Variants in VPS35L observed in about 807,000 individuals in gnomAD.
VPS35L encodes the protein VPS35 endosomal protein sorting factor like.
VPS35L carries 83 observed loss-of-function variants against 133.0 expected under a neutral mutation model. The ratio of observed to expected loss-of-function variants is 0.62; its 90% CI spans 0.52 to 0.75. The LOEUF is 0.75. Ranked by LOEUF, VPS35L falls within the 30% of genes least tolerant of loss-of-function variation. VPS35L has a pLI of 0.00. For synonymous variants in VPS35L, 423 were observed against 449.9 expected (o/e 0.94, Z 0.76); for missense variants, 1,083 against 1,206.8 (o/e 0.90, Z 1.52).
chr16:19,673,231 G>A (rs1974936618), intron 27 of VPS35L, among the ~76,000 whole-genome samples: 1 of 152,358 alleles, frequency 6.6e-6, no homozygotes, highest in African/African-American at 2.4e-5. Context: ...GTAGACACTT[G>A]CTGGCTATGT....
chr16:19,597,882 C>G (rs1972266613), intron 8 of VPS35L, among the ~76,000 whole-genome samples: 1 of 152,152 alleles, frequency 6.6e-6, no homozygotes, highest in Non-Finnish European at 1.5e-5. Flanking sequence ...TTACTCTGCT[C>G]TAAAAGAAGA....
chr16:19,567,888 T>C (rs1312239872), intron 2 of VPS35L, among the ~76,000 whole-genome samples: 6 of 151,826 alleles, frequency 4.0e-5, no homozygotes, highest in African/African-American at 7.3e-5. Flanking sequence ...GAAGATTGCT[T>C]GTGCCCAGGA....
chr16:19,677,518 A>G (rs1975104990), intron 27 of VPS35L, among the ~76,000 whole-genome samples: 1 of 152,238 alleles, frequency 6.6e-6, no homozygotes, highest in African/African-American at 2.4e-5. Context: ...GTAGTCAGCT[A>G]GGCACAGATG....
chr16:19,657,611 A>G (rs1343933953), intron 26 of VPS35L, among the ~76,000 whole-genome samples: 1 of 152,194 alleles, frequency 6.6e-6, no homozygotes, highest in African/African-American at 2.4e-5. Context: ...TTACTCAAAA[A>G]GTTTGAGATT....
At chr16:19,692,358 C>T (rs1052514352) in intron 29 of VPS35L, among the ~76,000 whole-genome samples, 3 of 152,142 alleles carry the variant, frequency 2.0e-5, no homozygotes, top group African/African-American at 7.2e-5. Context: ...CTTTCAGTGC[C>T]CACAACAGCC....
In VPS35L at chr16:19,583,184, C is replaced by T. The variant is rs779591284; in HGVS notation, c.639+1531C>T. 6.6e-5 allele frequency among the ~76,000 whole-genome samples: 10 copies of T among 152,094 alleles called. No homozygotes were observed. The South Asian group carries it at 1.0e-3, about 16-fold the overall frequency. On this transcript the variant is annotated intron_variant, in intron 7 of 30. Transcript: ENST00000417362. ...AACTTATAGAGTTGTGCAACTAACA[C>T]GCAATCTAGTTTTAAAACATTTTTA...
chr16:19,622,595 C>T (rs963759173), intron 14 of VPS35L, among the ~76,000 whole-genome samples: 9 of 152,074 alleles, frequency 5.9e-5, no homozygotes, highest in Admixed American at 1.3e-4. Flanking sequence ...AGTGGATCCA[C>T]GCAGCTCAAA....
In VPS35L at chr16:19,700,612, T is replaced by C; in HGVS notation, c.*136T>C. On this transcript the variant is annotated 3_prime_UTR_variant, in exon 31 of 31. Coordinates refer to ENST00000417362, the MANE Select transcript of VPS35L (RefSeq NM_020314.7). Reference sequence around the variant, plus strand: ...TACATATGTACAAATTGTTTTAAGCTTTGGCCTCTATCCAGGTTATTCTGA... The same window carrying C: ...TACATATGTACAAATTGTTTTAAGCCTTGGCCTCTATCCAGGTTATTCTGA... 1.4e-6 allele frequency: 1 copy of C among 714,962 alleles called. No individual in the cohort carries two copies. Among genetic ancestry groups the C allele is most frequent in the Non-Finnish European group, 2.3e-6 (1 of 427,780 alleles). The allele number at this position is 714,962 out of a possible 1,614,324, so 44.3% of individuals were successfully genotyped here. A position where few individuals can be genotyped will look rare whatever the true frequency, so the allele number is the denominator to read the frequency against.
chr16:19,667,059 G>A (rs1974718131), intron 26 of VPS35L, among the ~76,000 whole-genome samples: 1 of 151,322 alleles, frequency 6.6e-6, no homozygotes. Context: ...TGACCGACGG[G>A]TTCAAGTGAT....
chr16:19,662,407 C>T (rs915785116), intron 26 of VPS35L, among the ~76,000 whole-genome samples: 2 of 152,018 alleles, frequency 1.3e-5, no homozygotes, highest in African/African-American at 2.4e-5. Context: ...GACCCAGTGA[C>T]GGATAAAAGA....
intron 16 of VPS35L, 55 bp downstream of exon 16, chr16:19,627,860 A>T (rs2151565410): frequency 7.3e-7 from 1 of 1,378,452 alleles, no homozygotes; most frequent in Non-Finnish European, 1.0e-6. Flanking sequence ...TGTATCTGAT[A>T]GCTCTTGAGA....
At chr16:19,638,484 A>T (rs1284383184) in intron 20 of VPS35L, among the ~76,000 whole-genome samples, 1 of 152,268 alleles carries the variant, frequency 6.6e-6, no homozygotes, top group African/African-American at 2.4e-5. Context: ...TATCCTATAC[A>T]TACATACCTA....
chr16:19,692,447 T>C (rs1975726321), intron 29 of VPS35L, among the ~76,000 whole-genome samples: 1 of 152,196 alleles, frequency 6.6e-6, no homozygotes, highest in African/African-American at 2.4e-5. Flanking sequence ...TTCAGAGCCG[T>C]TGATATTTCC....
intron 18 of VPS35L, among the ~76,000 whole-genome samples, chr16:19,632,824 C>G (rs1973499573): frequency 4.6e-5 from 7 of 152,358 alleles, no homozygotes; most frequent in South Asian, 2.1e-4. Context: ...ACGGCCGATT[C>G]AACCATCACT....
At chr16:19,654,224 C>T (rs1055918534) in intron 26 of VPS35L, among the ~76,000 whole-genome samples, 3 of 152,124 alleles carry the variant, frequency 2.0e-5, no homozygotes, top group Non-Finnish European at 2.9e-5. Flanking sequence ...AGTAGCCGCC[C>T]TGCCCTACTC....
chr16:19,616,652 C>T, intron 13 of VPS35L, 34 bp from the exon 14 acceptor site: 1 of 1,604,280 alleles, frequency 6.2e-7, no homozygotes, highest in Non-Finnish European at 8.5e-7. Context: ...GGTTTTTCCC[C>T]TCCTTTTCTA....
intron 26 of VPS35L, among the ~76,000 whole-genome samples, chr16:19,655,059 G>A (rs900102260): frequency 1.3e-5 from 2 of 152,156 alleles, no homozygotes; most frequent in African/African-American, 4.8e-5. Flanking sequence ...TCTCCCTGTT[G>A]TGCTTCCTAT....
intron 1 of VPS35L, among the ~76,000 whole-genome samples, chr16:19,557,293 G>T (rs1191797050): frequency 1.3e-5 from 2 of 152,130 alleles, no homozygotes; most frequent in Non-Finnish European, 2.9e-5. Context: ...TTCTACCTTT[G>T]GAATTTTAAT....
intron 15 of VPS35L, 61 bp downstream of exon 15, chr16:19,626,284 G>T: frequency 8.1e-7 from 1 of 1,232,280 alleles, no homozygotes; most frequent in East Asian, 2.3e-5. Context: ...CTATTTTTGA[G>T]CTTGGCCTGC....
Sources: gnomAD v4.1 joint callset for allele counts (sites outside exome capture counted in the v4.1 genomes callset) on GRCh38, gnomAD v4.1.1 for gene constraint, MANE v1.5 for transcripts, NCBI Gene and HGNC (gene_info 2026-07-23, HGNC 2026-07-21) for gene names.